C13orf46: variants seen among roughly 807,000 people sequenced by gnomAD.
C13orf46 encodes chromosome 13 open reading frame 46.
chr13:113,941,522 C>T, the C13orf46 span, among the ~76,000 whole-genome samples: 2 of 152,072 alleles, frequency 1.3e-5, no homozygotes, highest in African/African-American at 4.8e-5. Context: ...TCCTCTGGGA[C>T]TCCATGTGTG....
chr13:113,943,855 A>G, the C13orf46 span, among the ~76,000 whole-genome samples: 2 of 152,112 alleles, frequency 1.3e-5, no homozygotes, highest in African/African-American at 4.8e-5. Flanking sequence ...CTGGTGGAGG[A>G]GGCTCTCAGC....
chr13:113,939,446 C>G, the C13orf46 span, among the ~76,000 whole-genome samples: 1 of 151,922 alleles, frequency 6.6e-6, no homozygotes, highest in African/African-American at 2.4e-5. Flanking sequence ...GGGGATCACC[C>G]AACTGGGAAG....
At chr13:113,949,666 C>T (rs961077208), downstream of C13orf46, among the ~76,000 whole-genome samples, 5 of 152,230 alleles carry the variant, frequency 3.3e-5, no homozygotes, top group Admixed American at 6.5e-5. Flanking sequence ...CCCTCACACC[C>T]GCAGATGCCC....
At chr13:113,937,687 G>A in the C13orf46 span, among the ~76,000 whole-genome samples, 1 of 152,198 alleles carries the variant, frequency 6.6e-6, no homozygotes, top group African/African-American at 2.4e-5. Context: ...ACATACATCG[G>A]ATGAACGCTG....
chr13:113,936,969 A>G, the C13orf46 span, among the ~76,000 whole-genome samples: 1 of 152,174 alleles, frequency 6.6e-6, no homozygotes, highest in Non-Finnish European at 1.5e-5. Context: ...CCATTTTAGC[A>G]GAATTCAGGC....
intron 1 of C13orf46, among the ~76,000 whole-genome samples, chr13:113,972,519 C>CGCA (rs536619984): frequency 1.4e-3 from 206 of 152,278 alleles, no homozygotes; most frequent in Admixed American, 3.1e-3. Flanking sequence ...AGCGCCAGCT[C>CGCA]GCAGCTCCGT....
chr13:113,945,509 C>A, the C13orf46 span, among the ~76,000 whole-genome samples: 1 of 150,102 alleles, frequency 6.7e-6, no homozygotes, highest in African/African-American at 2.5e-5. Context: ...TGCGCCACTG[C>A]ACTCAGCCTG....
the C13orf46 span, among the ~76,000 whole-genome samples, chr13:113,942,760 G>A: frequency 2.0e-5 from 3 of 152,322 alleles, no homozygotes; most frequent in South Asian, 2.1e-4. Flanking sequence ...TCCAGGCAGC[G>A]GAGGCGGCCT....
downstream of C13orf46, among the ~76,000 whole-genome samples, chr13:113,950,262 C>T (rs1468020123): frequency 2.4e-5 from 3 of 126,856 alleles, no homozygotes; most frequent in African/African-American, 6.2e-5. Context: ...CCCCCTGCCT[C>T]GGGCACCTCG....
chr13:113,944,343 G>A, the C13orf46 span, among the ~76,000 whole-genome samples: 1 of 152,208 alleles, frequency 6.6e-6, no homozygotes, highest in African/African-American at 2.4e-5. Context: ...TCCCGGCTCT[G>A]CTGAGGCCAT....
intron 6 of C13orf46, among the ~76,000 whole-genome samples, chr13:113,957,605 CCT>C (rs1354259299): frequency 1.4e-5 from 2 of 143,770 alleles, no homozygotes; most frequent in African/African-American, 5.2e-5. Flanking sequence ...GCCTGCACCC[CCT>C]TTCATCAAGC....
At chr13:113,934,076 C>T in the C13orf46 span, among the ~76,000 whole-genome samples, 1 of 152,164 alleles carries the variant, frequency 6.6e-6, no homozygotes, top group Non-Finnish European at 1.5e-5. Context: ...CCTTCTCTAA[C>T]CCACAGCACC....
the C13orf46 span, among the ~76,000 whole-genome samples, chr13:113,934,591 G>A: frequency 6.6e-6 from 1 of 152,280 alleles, no homozygotes; most frequent in Non-Finnish European, 1.5e-5. Context: ...GATTGTGTGT[G>A]CTGTGGGCTA....
At chr13:113,942,413 G>A in the C13orf46 span, among the ~76,000 whole-genome samples, 4 of 152,202 alleles carry the variant, frequency 2.6e-5, no homozygotes, top group Non-Finnish European at 4.4e-5. Context: ...AGGAGAATCA[G>A]GATTTGGTCT....
At chr13:113,939,941 G>A in the C13orf46 span, among the ~76,000 whole-genome samples, 1 of 152,222 alleles carries the variant, frequency 6.6e-6, no homozygotes, top group African/African-American at 2.4e-5. Flanking sequence ...ATGAAAGGAA[G>A]TGCCGCTGGC....
the C13orf46 span, among the ~76,000 whole-genome samples, chr13:113,946,359 G>C: frequency 6.6e-6 from 1 of 152,194 alleles, no homozygotes; most frequent in East Asian, 1.9e-4. Flanking sequence ...AGGACCCTCG[G>C]GGGGACCAGT....
Position 113,956,678 on chromosome 13 carries a change from G to C in C13orf46, c.*95C>G, listed in dbSNP as rs1312815601. ...GCTCTTGGGCGGCAAGTAGGTGGCC[G>C]GATCGCCCTCCGTCCCGCCTCCTGT... On this transcript the variant is annotated 3_prime_UTR_variant, in exon 7 of 7. Transcript: ENST00000636427. 6.6e-6 allele frequency: 1 copy of C among 152,352 alleles called. No homozygotes were observed. The highest frequency in any genetic ancestry group is 6.5e-5 in the Admixed American group (1 of 15,278). The allele number at this position is 152,352 out of a possible 1,614,324, so 9.4% of individuals were successfully genotyped here. A position where few individuals can be genotyped will look rare whatever the true frequency, so the allele number is the denominator to read the frequency against.
chr13:113,936,251 A>G, the C13orf46 span, among the ~76,000 whole-genome samples: 1 of 152,194 alleles, frequency 6.6e-6, no homozygotes, highest in African/African-American at 2.4e-5. Context: ...CATCCAGGCA[A>G]CATCCATGAG....
downstream of C13orf46, among the ~76,000 whole-genome samples, chr13:113,952,249 G>A (rs912252956): frequency 5.3e-5 from 8 of 152,206 alleles, no homozygotes; most frequent in South Asian, 6.2e-4. Context: ...GAACTGCGCC[G>A]GCTCAGGGTC....
Sources: gnomAD v4.1 joint callset for allele counts (sites outside exome capture counted in the v4.1 genomes callset) on GRCh38, gnomAD v4.1.1 for gene constraint, MANE v1.5 for transcripts, NCBI Gene and HGNC (gene_info 2026-07-23, HGNC 2026-07-21) for gene names.